ZNF385D: variants seen among roughly 807,000 people sequenced by gnomAD.
The protein encoded by ZNF385D is zinc finger protein 659.
Under a neutral mutation model 35.8 loss-of-function variants are expected in ZNF385D, and 15 were observed. That is an observed-to-expected ratio of 0.42 (90% confidence interval 0.28 to 0.64). ZNF385D has a LOEUF of 0.64. ZNF385D is among the 30% of genes least tolerant of loss of function. The pLI is 0.23. For synonymous variants in ZNF385D, 212 were observed against 186.8 expected (o/e 1.13, Z -1.10); for missense variants, 474 against 494.6 (o/e 0.96, Z 0.39).
chr3:21,664,216 G>T (rs773327431), intron 2 of ZNF385D, among the ~76,000 whole-genome samples: 4 of 151,596 alleles, frequency 2.6e-5, no homozygotes, highest in Non-Finnish European at 5.9e-5. Flanking sequence ...ACACACGATG[G>T]TGAAAATGAT....
At chr3:21,854,060 G>T (rs1200085957) in intron 3 of ZNF385D, among the ~76,000 whole-genome samples, 2 of 151,812 alleles carry the variant, frequency 1.3e-5, no homozygotes, top group Non-Finnish European at 2.9e-5. Flanking sequence ...CATATTTAAG[G>T]TTTGTACATT....
chr3:21,882,467 C>A (rs777105850), intron 3 of ZNF385D, among the ~76,000 whole-genome samples: 9 of 152,054 alleles, frequency 5.9e-5, no homozygotes, highest in East Asian at 3.9e-4. Flanking sequence ...ACTTAATAGA[C>A]TATAGTACAG....
At chr3:22,225,182 T>C (rs910545048) in intron 2 of ZNF385D, among the ~76,000 whole-genome samples, 1 of 152,136 alleles carries the variant, frequency 6.6e-6, no homozygotes, top group African/African-American at 2.4e-5. Context: ...ATAATTTTGA[T>C]TGAGTAGAAT....
At chr3:22,057,900 T>A (rs1699489789) in intron 3 of ZNF385D, among the ~76,000 whole-genome samples, 1 of 152,202 alleles carries the variant, frequency 6.6e-6, no homozygotes, top group African/African-American at 2.4e-5. Context: ...AAATAAAGAC[T>A]GATGGAGAAA....
At chr3:22,203,917 C>A (rs935414924) in intron 2 of ZNF385D, among the ~76,000 whole-genome samples, 1 of 152,064 alleles carries the variant, frequency 6.6e-6, no homozygotes, top group South Asian at 2.1e-4. Flanking sequence ...AAACTTGTTG[C>A]CCGAAGGGAA....
At chr3:21,886,156 A>G (rs935807779) in intron 3 of ZNF385D, among the ~76,000 whole-genome samples, 1 of 152,100 alleles carries the variant, frequency 6.6e-6, no homozygotes. Flanking sequence ...TTGGCAGCAC[A>G]CACTGATCCT....
intron 4 of ZNF385D, among the ~76,000 whole-genome samples, chr3:21,470,487 T>G (rs1703814821): frequency 6.6e-6 from 1 of 152,180 alleles, no homozygotes; most frequent in Non-Finnish European, 1.5e-5. Context: ...CTTTAAAGTA[T>G]AGTTTCATAG....
intron 2 of ZNF385D, among the ~76,000 whole-genome samples, chr3:22,170,973 A>G (rs980357371): frequency 6.6e-6 from 1 of 152,206 alleles, no homozygotes; most frequent in African/African-American, 2.4e-5. Context: ...TACGTAGAGT[A>G]TATTTACTAC....
chr3:22,122,747 T>A (rs1703160065), intron 3 of ZNF385D, among the ~76,000 whole-genome samples: 1 of 152,146 alleles, frequency 6.6e-6, no homozygotes, highest in Admixed American at 6.6e-5. Flanking sequence ...GACGGTGACA[T>A]TCGAGTCACA....
intron 1 of ZNF385D, among the ~76,000 whole-genome samples, chr3:21,696,850 C>A (rs2125366014): frequency 6.6e-6 from 1 of 152,348 alleles, no homozygotes; most frequent in East Asian, 1.9e-4. Context: ...CACATTACCT[C>A]TGAATTGGTT....
intron 3 of ZNF385D, chr3:21,777,823 C>T (rs1168176812): frequency 1.3e-5 from 2 of 151,780 alleles, no homozygotes; most frequent in African/African-American, 4.8e-5. Flanking sequence ...TCTGGCATCA[C>T]GATGAGAAAA....
intron 2 of ZNF385D, among the ~76,000 whole-genome samples, chr3:21,651,007 C>T (rs1002333560): frequency 1.6e-4 from 25 of 151,934 alleles, no homozygotes; most frequent in African/African-American, 4.6e-4. Flanking sequence ...GGGCCAGGCG[C>T]GGTGGCTCAC....
intron 3 of ZNF385D, among the ~76,000 whole-genome samples, chr3:21,996,018 CAG>C (rs1421192546): frequency 1.3e-5 from 2 of 152,074 alleles, no homozygotes; most frequent in African/African-American, 4.8e-5. Flanking sequence ...TGGGTGGACA[CAG>C]GGGAATGTCA....
At chr3:22,081,683 G>T (rs1700756792) in intron 3 of ZNF385D, among the ~76,000 whole-genome samples, 1 of 152,106 alleles carries the variant, frequency 6.6e-6, no homozygotes, top group Admixed American at 6.5e-5. Context: ...AAATTTGATG[G>T]AACATACAAA....
chr3:21,481,547 A>G (rs1217652422), intron 4 of ZNF385D, among the ~76,000 whole-genome samples: 2 of 151,850 alleles, frequency 1.3e-5, no homozygotes, highest in African/African-American at 4.8e-5. Flanking sequence ...TTTTTCCTTC[A>G]CAGACAGGGT....
chr3:21,753,204 G>A (rs1396077364), upstream of ZNF385D, among the ~76,000 whole-genome samples: 2 of 152,156 alleles, frequency 1.3e-5, no homozygotes, highest in Non-Finnish European at 2.9e-5. Context: ...AAGAACCTGA[G>A]GCTCAGAGAT....
At chr3:22,147,736 T>C (rs1023845182) in intron 3 of ZNF385D, among the ~76,000 whole-genome samples, 10 of 152,110 alleles carry the variant, frequency 6.6e-5, no homozygotes, top group African/African-American at 2.4e-4. Flanking sequence ...TCAGCAAATA[T>C]TTTCTCCACA....
rs1030426057 is a variant in ZNF385D, at chr3:22,294,611, T to C, written c.106+77839A>G. ...AAATCAAATAAAAGGAAACATGAAA[T>C]TCAGAGTGAAAGAGACCAGATTTGA... On this transcript the variant is annotated intron_variant, in intron 2 of 5. Transcript: ENST00000494108. Among the ~76,000 whole-genome samples, 5 of 152,170 alleles carry C rather than the reference T, an allele frequency of 3.3e-5. 1 individual carries two copies. In the South Asian group the frequency reaches 1.0e-3, roughly 32 times the overall value.
chr3:22,155,741 T>C (rs1450966801), intron 3 of ZNF385D, among the ~76,000 whole-genome samples: 2 of 152,154 alleles, frequency 1.3e-5, no homozygotes, highest in East Asian at 3.9e-4. Flanking sequence ...AGAAGAATTA[T>C]GTATGACTCT....
Sources: gnomAD v4.1 joint callset for allele counts (sites outside exome capture counted in the v4.1 genomes callset) on GRCh38, gnomAD v4.1.1 for gene constraint, MANE v1.5 for transcripts, NCBI Gene and HGNC (gene_info 2026-07-23, HGNC 2026-07-21) for gene names.